The following CXCL12 variants were observed in gnomAD, a reference collection of about 807,000 sequenced individuals.
CXCL12 encodes the protein stromal cell-derived factor 1.
CXCL12 carries 4 observed loss-of-function variants against 10.7 expected under a neutral mutation model. The observed-to-expected ratio is 0.37, with a 90% CI of 0.18 to 0.86. The LOEUF (loss-of-function observed/expected upper bound fraction) is 0.86, where lower values mean the gene tolerates loss of function less well. CXCL12 is among the 40% of genes least tolerant of loss of function. The pLI is 0.43. For synonymous variants in CXCL12, 54 were observed against 45.4 expected (o/e 1.19, Z -0.77); for missense variants, 122 against 110.4 (o/e 1.10, Z -0.47).
Position 44,384,987 on chromosome 10 carries a change from C to A in CXCL12, c.19G>T (p.Val7Phe). 6.5e-7 allele frequency: 1 copy of A among 1,537,542 alleles called. No homozygotes were observed. The highest frequency in any genetic ancestry group is 8.7e-7 in the Non-Finnish European group (1 of 1,152,400). MNAKVV[V>F]VLVLVLTALC... ...GCGGTCAGCACGAGGACCAGCACGA[C>A]CACGACCTTGGCGTTCATGGCGCGG... The change falls in exon 1 of 3, where the codon GTC (valine) becomes TTC (phenylalanine). Residue 7 changes from valine (V) to phenylalanine (F), a missense_variant. Coordinates refer to ENST00000343575, the MANE Select transcript of CXCL12 (RefSeq NM_199168.4).
At chr10:44,372,690 G>A (rs1839344584), downstream of CXCL12, 2 of 1,416,642 alleles carry the variant, frequency 1.4e-6, no homozygotes, top group Non-Finnish European at 1.8e-6. Context: ...AGAGAATGAT[G>A]AGCAGAACGT....
chr10:44,382,726 A>C (rs144479475), intron 1 of CXCL12, among the ~76,000 whole-genome samples: 1 of 152,222 alleles, frequency 6.6e-6, no homozygotes, highest in East Asian at 1.9e-4. Context: ...TTCCTTCAAA[A>C]GCAATTCTTG....
In CXCL12 at chr10:44,385,081, G is replaced by C. The variant is rs994392806; in HGVS notation, c.-76C>G. The C allele has an allele frequency of 8.7e-7, 1 of 1,155,552 alleles. No homozygotes were observed. Among genetic ancestry groups the C allele is most frequent in the East Asian group, 3.2e-5 (1 of 31,442 alleles). The allele number at this position is 1,155,552 out of a possible 1,614,324, so 71.6% of individuals were successfully genotyped here. ...CGCCGAGCGGGCAATGCGGCTGACG[G>C]AGAGTGAAAGTGCGGCGGTGGGAGG... On this transcript the variant is annotated 5_prime_UTR_variant, in exon 1 of 3. Coordinates refer to ENST00000343575, the MANE Select transcript of CXCL12 (RefSeq NM_199168.4).
At chr10:44,374,512 G>C (rs574902207), downstream of CXCL12, 11 of 456,102 alleles carry the variant, frequency 2.4e-5, no homozygotes, top group African/African-American at 1.2e-4. Context: ...GTGACCCCCA[G>C]TGCTGGCAAG....
rs17882538 is a variant in CXCL12 at position 44,378,365 on chromosome 10, T to C, written c.*268A>G. On this transcript the variant is annotated 3_prime_UTR_variant, in exon 3 of 3. Transcript: ENST00000343575. Reference sequence around the variant, plus strand: ...GCTGTTGATAATACAATTTCTTTCTTAGAAAAACCCCAGTAATAAAAGTTC... The same window carrying C: ...GCTGTTGATAATACAATTTCTTTCTCAGAAAAACCCCAGTAATAAAAGTTC... 1.2e-3 allele frequency: 1,774 copies of C among 1,520,226 alleles called. 22 individuals are homozygous for C. The African/African-American group carries it at 0.021, about 18-fold the overall frequency. The allele number at this position is 1,520,226 out of a possible 1,614,324, so 94.2% of individuals were successfully genotyped here.
chr10:44,384,174 C>A (rs764529472), intron 1 of CXCL12, among the ~76,000 whole-genome samples: 38 of 152,268 alleles, frequency 2.5e-4, no homozygotes, highest in Non-Finnish European at 4.4e-4. Flanking sequence ...AGCCTGTCTG[C>A]AGGTGTGTTT....
chr10:44,383,776 C>T (rs1052782985), intron 1 of CXCL12, among the ~76,000 whole-genome samples: 3 of 152,214 alleles, frequency 2.0e-5, no homozygotes, highest in Admixed American at 6.5e-5. Flanking sequence ...CCTGCTCACA[C>T]CAGCGCACAG....
downstream of CXCL12, among the ~76,000 whole-genome samples, chr10:44,373,666 C>A (rs1057344158): frequency 6.6e-6 from 1 of 152,210 alleles, no homozygotes; most frequent in African/African-American, 2.4e-5. Flanking sequence ...ACACTGCTTA[C>A]CCGGCACCGG....
chr10:44,384,228 G>C (rs1358249722), intron 1 of CXCL12, among the ~76,000 whole-genome samples: 1 of 152,128 alleles, frequency 6.6e-6, no homozygotes, highest in Non-Finnish European at 1.5e-5. Flanking sequence ...GGGTCCCTGG[G>C]CCTCTCTCAG....
chr10:44,380,841 A>T lies in CXCL12; in HGVS notation c.101T>A (p.Phe34Tyr). 6.2e-7 allele frequency: 1 copy of T among 1,614,240 alleles called. No individual in the cohort carries two copies. The highest frequency in any genetic ancestry group is 1.3e-5 in the African/African-American group (1 of 75,068). ...VSLSYRCPCRFFESHVARANV... is the reference protein window; with the variant it reads ...VSLSYRCPCRYFESHVARANV... ...GGCTCTGGCAACATGGCTTTCGAAG[A>T]ATCGGCATGGGCATCTGTAGCTCAG... The change falls in exon 2 of 3, where the codon TTC (phenylalanine) becomes TAC (tyrosine). Residue 34 changes from phenylalanine (F) to tyrosine (Y), a missense_variant. Coordinates refer to ENST00000343575, the MANE Select transcript of CXCL12 (RefSeq NM_199168.4).
chr10:44,375,995 T>C (rs745385587), downstream of CXCL12: 9 of 1,613,804 alleles, frequency 5.6e-6, no homozygotes, highest in Admixed American at 1.7e-5. Context: ...TTTTTTCCTA[T>C]CTTTTCTTTT....
chr10:44,380,921 C>T, intron 1 of CXCL12, 41 bp from the exon 2 acceptor site: 1 of 1,552,976 alleles, frequency 6.4e-7, no homozygotes, highest in Non-Finnish European at 8.9e-7. Context: ...ACTACCCTGC[C>T]AGATTTTGGT....
Position 44,377,412 on chromosome 10 carries a change from CA to C in CXCL12, c.*1220del. 1 of 1,085,162 alleles carries C rather than the reference CA, an allele frequency of 9.2e-7. No individual in the cohort carries two copies. Among genetic ancestry groups the C allele is most frequent in the Non-Finnish European group, 1.1e-6 (1 of 893,132 alleles). The allele number at this position is 1,085,162 out of a possible 1,614,324, so 67.2% of individuals were successfully genotyped here. On this transcript the variant is annotated 3_prime_UTR_variant, in exon 3 of 3. Coordinates refer to ENST00000343575, the MANE Select transcript of CXCL12 (RefSeq NM_199168.4). ...AAAGAAACGTAAAAAAAAATGTGCA[CA>C]AAAATATATATAAAAAAATGCCTTG...
chr10:44,380,529 A>G (rs924628904), intron 2 of CXCL12: 4 of 518,210 alleles, frequency 7.7e-6, no homozygotes, highest in African/African-American at 7.7e-5. Context: ...TGGAAAGAAG[A>G]GAGAACTACT....
chr10:44,383,195 G>A (rs1839684157), intron 1 of CXCL12, among the ~76,000 whole-genome samples: 1 of 152,214 alleles, frequency 6.6e-6, no homozygotes, highest in Admixed American at 6.5e-5. Flanking sequence ...TGTGGGGATA[G>A]GGGGCACATA....
At position 44,378,636 on chromosome 10, in the gene CXCL12, C is replaced by T. The variant is rs1839533046; in HGVS notation, c.267G>A (p.Lys89=). ...AAGTCCTTTTTGGCTGTTGTGCTTA[C>T]TTGTTTAAAGCTTTCTCCAGGTACT... is the stretch of plus-strand genomic sequence containing the variant. ...IQEYLEKALN[K] is the part of the protein sequence containing the mutation. Residue 89 remains lysine (K), a synonymous_variant, in exon 3 of 3, where the codon AAG becomes AAA. Coordinates refer to ENST00000343575, the MANE Select transcript of CXCL12 (RefSeq NM_199168.4). 2 of 1,614,212 alleles carry T rather than the reference C, an allele frequency of 1.2e-6. No individual in the cohort carries two copies. Among genetic ancestry groups the T allele is most frequent in the East Asian group, 2.2e-5 (1 of 44,884 alleles).
At chr10:44,379,071 CA>C (rs1839550532) in intron 2 of CXCL12, among the ~76,000 whole-genome samples, 1 of 152,098 alleles carries the variant, frequency 6.6e-6, no homozygotes, top group African/African-American at 2.4e-5. Context: ...GGGGGGTCAT[CA>C]AAGCATACAG....
At chr10:44,381,483 GCCAAGGA>G (rs1391958345) in intron 1 of CXCL12, among the ~76,000 whole-genome samples, 1 of 152,234 alleles carries the variant, frequency 6.6e-6, no homozygotes, top group African/African-American at 2.4e-5. Flanking sequence ...CTGAGAGCAG[GCCAAGGA>G]CCCACCTTCT....
chr10:44,385,038 C>T lies in CXCL12; in HGVS notation c.-33G>A, dbSNP rs1252061119. The T allele has an allele frequency of 1.9e-5, 27 of 1,432,404 alleles. No individual in the cohort carries two copies. Among genetic ancestry groups the T allele is most frequent in the Non-Finnish European group, 2.2e-5 (24 of 1,081,344 alleles). 88.7% of individuals were successfully genotyped at this position (1,432,404 alleles called of 1,614,324 possible). On this transcript the variant is annotated 5_prime_UTR_variant, in exon 1 of 3. Transcript: ENST00000343575. ...GCGGGCGGGCGGGCGGGCGGACGAGCGCGGGTCGGGGGCCGGACGCCGAGC... is the reference window on the plus strand; with the variant it reads ...GCGGGCGGGCGGGCGGGCGGACGAGTGCGGGTCGGGGGCCGGACGCCGAGC...
Sources: allele counts gnomAD v4.1 joint callset (sites outside exome capture counted in the v4.1 genomes callset), GRCh38; gene constraint gnomAD v4.1.1; transcripts MANE v1.5; gene names NCBI Gene and HGNC (gene_info 2026-07-23, HGNC 2026-07-21).